The following CDH23 variants were observed in gnomAD, a reference collection of about 807,000 sequenced individuals.
CDH23 encodes the protein cadherin-23.
Under a neutral mutation model 317.1 loss-of-function variants are expected in CDH23, and 189 were observed. The observed-to-expected ratio is 0.60, with a 90% CI of 0.53 to 0.67. CDH23 has a LOEUF of 0.67. Ranked by LOEUF, CDH23 falls within the 30% of genes least tolerant of loss-of-function variation. The probability of loss-of-function intolerance (pLI) is 0.00; values close to 1 mark genes in which losing one functional copy is unlikely to be tolerated. For synonymous variants in CDH23, 1,839 were observed against 1,876.8 expected (o/e 0.98, Z 0.52); for missense variants, 4,401 against 4,592.4 (o/e 0.96, Z 1.20).
At chr10:71,403,558 C>T (rs1411167981) in intron 1 of CDH23, among the ~76,000 whole-genome samples, 3 of 146,712 alleles carry the variant, frequency 2.0e-5, no homozygotes, top group African/African-American at 7.6e-5. Context: ...CTCTCTTTCG[C>T]CAACCTGGAG....
intron 6 of CDH23, among the ~76,000 whole-genome samples, chr10:71,516,934 TG>T (rs1331480697): frequency 6.6e-6 from 1 of 152,204 alleles, no homozygotes; most frequent in Non-Finnish European, 1.5e-5. Context: ...GCTCAGGAGA[TG>T]GCTGTGGCTG....
At chr10:71,532,736 T>TG (rs1855469333) in intron 6 of CDH23, among the ~76,000 whole-genome samples, 1 of 120,656 alleles carries the variant, frequency 8.3e-6, no homozygotes, top group African/African-American at 3.2e-5. Context: ...TGTTTTTTTT[T>TG]TTTTTTTTTT....
At chr10:71,665,764 C>T (rs974672661) in intron 14 of CDH23, among the ~76,000 whole-genome samples, 1 of 152,174 alleles carries the variant, frequency 6.6e-6, no homozygotes, top group Non-Finnish European at 1.5e-5. Flanking sequence ...AACCCAGGTC[C>T]CACCCCCGAG....
Position 71,741,919 on chromosome 10 carries a change from T to A in CDH23, c.4843T>A (p.Ser1615Thr). The part of the protein sequence containing the change: ...TVEDEGTPTL[S>T]ATTHVYVTIV... The stretch of plus-strand genomic sequence containing the variant: ...GGAGGACGAGGGCACCCCAACCCTG[T>A]CGGTGAGCGATGGGGGTGGCCACAG... Residue 1615 changes from serine to threonine, a missense_variant and splice_region_variant, in exon 38 of 70, where the codon TCG becomes ACG. Ser to Thr is a moderately conservative substitution (Grantham distance 58). This residue lies in a region of CDH23 where 3,068 missense variants were observed against 3,203.3 expected (regional missense o/e 0.96). Transcript: ENST00000224721. 1 of 1,589,250 alleles carries A rather than the reference T, an allele frequency of 6.3e-7. No individual in the cohort carries two copies. The highest frequency in any genetic ancestry group is 1.1e-5 in the South Asian group (1 of 87,718).
intron 17 of CDH23, among the ~76,000 whole-genome samples, chr10:71,679,721 G>A (rs1255970564): frequency 6.6e-6 from 1 of 152,216 alleles, no homozygotes; most frequent in Admixed American, 6.5e-5. Context: ...CTGGTTCTTA[G>A]GCCATGGCCA....
At chr10:71,712,570 C>T (rs774353726) in intron 27 of CDH23, 95 bp from the exon 28 acceptor site, 269 of 1,459,772 alleles carry the variant, frequency 1.8e-4, no homozygotes, top group Non-Finnish European at 2.4e-4. Flanking sequence ...GAACAGGGCA[C>T]CTCTCTGGCC....
chr10:71,760,697 G>C, intron 38 of CDH23: 2 of 652,198 alleles, frequency 3.1e-6, no homozygotes. Flanking sequence ...GGGCTTCTGG[G>C]GATTGCACCA....
chr10:71,466,534 G>T (rs1247573406), intron 3 of CDH23, among the ~76,000 whole-genome samples: 2 of 152,178 alleles, frequency 1.3e-5, no homozygotes, highest in African/African-American at 4.8e-5. Context: ...AAGTGTGTGT[G>T]CCTACCCACG....
chr10:71,550,398 A>G (rs564864580), intron 6 of CDH23, among the ~76,000 whole-genome samples: 1 of 152,108 alleles, frequency 6.6e-6, no homozygotes. Flanking sequence ...TAAAATTAAA[A>G]TAAACATAAG....
chr10:71,479,452 G>T (rs941712085), intron 3 of CDH23, among the ~76,000 whole-genome samples: 1 of 152,160 alleles, frequency 6.6e-6, no homozygotes, highest in Non-Finnish European at 1.5e-5. Flanking sequence ...TGCGGCCAAG[G>T]TGAGCCTGTC....
intron 1 of CDH23, among the ~76,000 whole-genome samples, chr10:71,412,896 G>A (rs896367477): frequency 4.6e-5 from 7 of 152,156 alleles, no homozygotes; most frequent in Non-Finnish European, 8.8e-5. Flanking sequence ...TTTATCAGAT[G>A]TGTGATTTAC....
intron 9 of CDH23, among the ~76,000 whole-genome samples, chr10:71,591,103 G>A (rs1294152143): frequency 1.3e-5 from 2 of 151,928 alleles, no homozygotes; most frequent in Non-Finnish European, 2.9e-5. Flanking sequence ...ATGAGAAATC[G>A]CTCCTCCATC....
chr10:71,760,151 GTA>G (rs1297488842), intron 38 of CDH23, among the ~76,000 whole-genome samples: 1 of 15,568 alleles, frequency 6.4e-5, no homozygotes, highest in East Asian at 1.1e-3. Context: ...ATATATGTGT[GTA>G]TATATATGTA....
chr10:71,432,194 TTG>T (rs905705910), intron 1 of CDH23, among the ~76,000 whole-genome samples: 4 of 151,738 alleles, frequency 2.6e-5, no homozygotes, highest in Non-Finnish European at 4.4e-5. Flanking sequence ...CAGAACGCAA[TTG>T]TGTGTGTGTG....
chr10:71,660,106 G>A (rs1322331146), intron 14 of CDH23, among the ~76,000 whole-genome samples: 7 of 151,912 alleles, frequency 4.6e-5, no homozygotes, highest in East Asian at 1.9e-4. Flanking sequence ...GATTACAGGC[G>A]CGTGCCACCA....
intron 41 of CDH23, among the ~76,000 whole-genome samples, chr10:71,780,807 C>T (rs752810143): frequency 2.6e-5 from 4 of 152,158 alleles, no homozygotes; most frequent in Non-Finnish European, 5.9e-5. Context: ...GAACCTGCTG[C>T]AATCACTCAG....
chr10:71,546,513 G>A (rs887417835), intron 6 of CDH23, among the ~76,000 whole-genome samples: 1 of 152,196 alleles, frequency 6.6e-6, no homozygotes, highest in Non-Finnish European at 1.5e-5. Context: ...CCCAACCCAG[G>A]TTCAGGGAAT....
chr10:71,673,188 C>A (rs1864217796), intron 14 of CDH23, among the ~76,000 whole-genome samples: 1 of 152,246 alleles, frequency 6.6e-6, no homozygotes, highest in Admixed American at 6.5e-5. Flanking sequence ...ACCGTCTGTG[C>A]TGTGCAGTGA....
chr10:71,597,554 AACC>A, intron 9 of CDH23, among the ~76,000 whole-genome samples: 1 of 151,820 alleles, frequency 6.6e-6, no homozygotes, highest in Middle Eastern at 3.2e-3. Context: ...TGGTCCTTGG[AACC>A]TACCTCCCAA....
Sources: allele counts gnomAD v4.1 joint callset (sites outside exome capture counted in the v4.1 genomes callset), GRCh38; gene constraint gnomAD v4.1.1; regional missense constraint gnomAD v4.1.1; transcripts MANE v1.5; gene names NCBI Gene and HGNC (gene_info 2026-07-23, HGNC 2026-07-21).